Variants in EIF4A2 observed in about 807,000 individuals in gnomAD.
The protein encoded by EIF4A2 is eukaryotic initiation factor 4A-II.
A neutral mutation model predicts 50.6 loss-of-function variants in EIF4A2; 9 were observed. That is an observed-to-expected ratio of 0.18 (90% confidence interval 0.11 to 0.31). EIF4A2 has a LOEUF of 0.31. EIF4A2 is among the 10% of genes least tolerant of loss of function. The probability of loss-of-function intolerance (pLI) is 1.00; values close to 1 mark genes in which losing one functional copy is unlikely to be tolerated. For missense variants in EIF4A2, 182 were observed against 501.8 expected, an observed-to-expected ratio of 0.36 and a Z score of 6.09; for synonymous variants, 215 against 164.4, an observed-to-expected ratio of 1.31 and a Z score of -2.35.
intron 10 of EIF4A2, chr3:186,788,876 T>C: frequency 2.2e-6 from 1 of 459,622 alleles, no homozygotes; most frequent in Non-Finnish European, 3.8e-6. Flanking sequence ...GTCATCTGCT[T>C]TATAATAATG....
intron 4 of EIF4A2, 158 bp from the exon 5 acceptor site, chr3:186,785,725 G>A (rs568039300): frequency 2.2e-6 from 2 of 890,052 alleles, no homozygotes; most frequent in South Asian, 4.5e-5. Flanking sequence ...ATTTTACCTT[G>A]CAGCAGTTAG....
intron 10 of EIF4A2, 142 bp downstream of exon 10, chr3:186,788,024 T>A: frequency 1.1e-6 from 1 of 928,462 alleles, no homozygotes; most frequent in Non-Finnish European, 1.6e-6. Flanking sequence ...AAATTTGTAC[T>A]AGGGAAGGTT....
At chr3:186,786,738 T>C in intron 7 of EIF4A2, 93 bp downstream of exon 7, 1 of 1,534,354 alleles carries the variant, frequency 6.5e-7, no homozygotes, top group South Asian at 1.1e-5. Flanking sequence ...GTTTTTGCAA[T>C]AATGCTAGCA....
At chr3:186,788,158 T>C in intron 10 of EIF4A2, 2 of 708,342 alleles carry the variant, frequency 2.8e-6, no homozygotes, top group East Asian at 3.7e-5. Flanking sequence ...CCATGTGTTT[T>C]TCTTGGTGAT....
At position 186,783,584 on chromosome 3, in the gene EIF4A2, G is replaced by T; in HGVS notation, c.-27G>T. ...GTGGTTGGGCGCCGCTGTCTTTTCA[G>T]TCGGGCGCTGAGTGGTTTTTCGGAT... On this transcript the variant is annotated 5_prime_UTR_variant, in exon 1 of 11. Coordinates refer to ENST00000323963, the MANE Select transcript of EIF4A2 (RefSeq NM_001967.4). 2 of 1,614,212 alleles carry T rather than the reference G, an allele frequency of 1.2e-6. No individual in the cohort carries two copies. Among genetic ancestry groups the T allele is most frequent in the Non-Finnish European group, 1.7e-6 (2 of 1,180,042 alleles).
Position 186,789,542 on chromosome 3 carries a change from G to A in EIF4A2, c.*273G>A, listed in dbSNP as rs781403760. ...TCTTAGAAATTTATTTCCTAGTTCT[G>A]TAGAAATGGTTGTATTAGATGTTCT... On this transcript the variant is annotated 3_prime_UTR_variant, in exon 11 of 11. Transcript: ENST00000323963. 6 of 366,616 alleles carry A rather than the reference G, an allele frequency of 1.6e-5. No individual in the cohort carries two copies. The highest frequency in any genetic ancestry group is 2.9e-5 in the Non-Finnish European group (6 of 204,988). 22.7% of individuals were successfully genotyped at this position (366,616 alleles called of 1,614,324 possible). A position where few individuals can be genotyped will look rare whatever the true frequency, so the allele number is the denominator to read the frequency against.
chr3:186,787,899 T>C lies in EIF4A2; in HGVS notation c.1079+17T>C. 6.2e-7 allele frequency: 1 copy of C among 1,611,722 alleles called. No individual in the cohort carries two copies. The highest frequency in any genetic ancestry group is 8.5e-7 in the Non-Finnish European group (1 of 1,179,318). ...TATTCACAGGTGAGAAGCCAGCATC[T>C]TGGCTGTATTGAAAAAAATTCATAC... On this transcript the variant is annotated intron_variant, in intron 10 of 10. Transcript: ENST00000323963.
chr3:186,783,871 C>A (rs1327578453), intron 1 of EIF4A2: 2 of 601,542 alleles, frequency 3.3e-6, no homozygotes, highest in Non-Finnish European at 5.8e-6. Context: ...TAAGACATTA[C>A]GAAACTTCGG....
chr3:186,786,890 T>C (rs752163816), intron 7 of EIF4A2: 2 of 890,326 alleles, frequency 2.2e-6, no homozygotes, highest in South Asian at 1.4e-5. Context: ...TTTTATAATT[T>C]CTACGTTTTG....
rs1423569431 is a variant in EIF4A2 at position 186,783,631 on chromosome 3, T to A, written c.21T>A (p.Asp7Glu). Residue 7 changes from aspartate to glutamate, a missense_variant, in exon 1 of 11, where the codon GAT becomes GAA. Around this residue, in one of 7 missense-constraint regions of EIF4A2, gnomAD observed 43 missense variants for 22.2 expected, o/e 1.93. Transcript: ENST00000323963. MSGGSA[D>E]YNREHGGPEG... ...GGATCATGTCTGGTGGCTCCGCGGA[T>A]TATAACAGGTATGCAGTCTGTTGGC... is the stretch of plus-strand genomic sequence containing the variant. 1.2e-6 allele frequency: 2 copies of A among 1,614,120 alleles called. No homozygotes were observed. The highest frequency in any genetic ancestry group is 1.1e-5 in the South Asian group (1 of 91,082).
At chr3:186,788,150 A>G (rs1384177625) in intron 10 of EIF4A2, 4 of 670,416 alleles carry the variant, frequency 6.0e-6, no homozygotes, top group Admixed American at 6.4e-5. Flanking sequence ...TCTTGTGTCC[A>G]TGTGTTTTTC....
At chr3:186,788,049 G>T in intron 10 of EIF4A2, 167 bp downstream of exon 10, 1 of 809,172 alleles carries the variant, frequency 1.2e-6, no homozygotes, top group Non-Finnish European at 1.9e-6. Context: ...AGAACAAAGT[G>T]GGAAAACTTG....
At chr3:186,785,137 G>C in intron 4 of EIF4A2, 36 bp downstream of exon 4, 1 of 1,610,612 alleles carries the variant, frequency 6.2e-7, no homozygotes, top group Non-Finnish European at 8.5e-7. Flanking sequence ...CTGCTTGCGT[G>C]TTGCATAGGT....
chr3:186,789,040 A>T lies in EIF4A2; in HGVS notation c.1080-85A>T. ...ACTATAACCTTGATAAGTAAACAGC[A>T]GCTGGTGGTTAACAAGTGGATCGTC... On this transcript the variant is annotated intron_variant, in intron 10 of 10. Transcript: ENST00000323963. The T allele has an allele frequency of 3.3e-6, 5 of 1,499,064 alleles. No individual in the cohort carries two copies. In the South Asian group the frequency reaches 6.8e-5, roughly 20 times the overall value. The allele number at this position is 1,499,064 out of a possible 1,614,324, so 92.9% of individuals were successfully genotyped here.
At chr3:186,788,279 G>C in intron 10 of EIF4A2, 1 of 1,287,006 alleles carries the variant, frequency 7.8e-7, no homozygotes, top group Non-Finnish European at 1.0e-6. Flanking sequence ...TTTGTTATAT[G>C]ATGTAAAAAA....
chr3:186,789,391 A>G lies in EIF4A2; in HGVS notation c.*122A>G. 1 of 1,381,942 alleles carries G rather than the reference A, an allele frequency of 7.2e-7. No individual in the cohort carries two copies. Among genetic ancestry groups the G allele is most frequent in the Non-Finnish European group, 9.6e-7 (1 of 1,038,252 alleles). The allele number at this position is 1,381,942 out of a possible 1,614,324, so 85.6% of individuals were successfully genotyped here. ...GTCTCAATGCTCATAACGGATCAGA[A>G]ATACAGATTTTGATAGCAAAGCGAC... On this transcript the variant is annotated 3_prime_UTR_variant, in exon 11 of 11. Transcript: ENST00000323963.
Position 186,784,447 on chromosome 3 carries a change from A to G in EIF4A2, c.45A>G (p.Pro15=), listed in dbSNP as rs1369398487. Reference sequence around the variant, plus strand: ...TTGTCAGCAGAGAACATGGCGGCCCAGAGGGAATGGACCCCGATGGTGTCA... The same window carrying G: ...TTGTCAGCAGAGAACATGGCGGCCCGGAGGGAATGGACCCCGATGGTGTCA... The part of the protein sequence containing the change: ...SADYNREHGG[P]EGMDPDGVIE... The change falls in exon 2 of 11, where the codon CCA becomes CCG. Residue 15 remains proline (P), a synonymous_variant. Transcript: ENST00000323963. 2 of 1,614,220 alleles carry G rather than the reference A, an allele frequency of 1.2e-6. No homozygotes were observed. Among genetic ancestry groups the G allele is most frequent in the Middle Eastern group, 1.7e-4 (1 of 6,060 alleles).
chr3:186,786,928 T>C, intron 7 of EIF4A2, 199 bp from the exon 8 acceptor site: 1 of 906,206 alleles, frequency 1.1e-6, no homozygotes, highest in East Asian at 2.4e-5. Flanking sequence ...TGGCTAAGAC[T>C]GGCCAATTTT....
intron 4 of EIF4A2, 21 bp downstream of exon 4, chr3:186,785,122 A>G (rs1248613040): frequency 3.7e-6 from 6 of 1,611,792 alleles, no homozygotes; most frequent in Middle Eastern, 3.3e-4. Context: ...TGTAGTTCAA[A>G]AAAACTGCTT....
Sources: allele counts gnomAD v4.1 joint callset, GRCh38; gene constraint gnomAD v4.1.1; regional missense constraint gnomAD v4.1.1; transcripts MANE v1.5; gene names NCBI Gene and HGNC (gene_info 2026-07-23, HGNC 2026-07-21).